The following KIAA2012 variants were observed in gnomAD, a reference collection of about 807,000 sequenced individuals.
KIAA2012 encodes uncharacterized protein KIAA2012.
A neutral mutation model predicts 150.6 loss-of-function variants in KIAA2012; 125 were observed. That is an observed-to-expected ratio of 0.83 (90% CI 0.72 to 0.96). The LOEUF (loss-of-function observed/expected upper bound fraction) is 0.96, where lower values mean the gene tolerates loss of function less well. KIAA2012 is among the 40% of genes least tolerant of loss of function. The probability of loss-of-function intolerance (pLI) is 0.00; values close to 1 mark genes in which losing one functional copy is unlikely to be tolerated. For synonymous variants in KIAA2012, 462 were observed against 504.7 expected, an observed-to-expected ratio of 0.92 and a Z score of 1.13; for missense variants, 1,219 against 1,354.9, an observed-to-expected ratio of 0.90 and a Z score of 1.57.
Position 202,125,935 on chromosome 2 carries a change from C to CT in KIAA2012, c.1831+689dup, listed in dbSNP as rs571686717. 187 of 137,784 alleles carry CT rather than the reference C, an allele frequency of 1.4e-3. 32 individuals are homozygous for CT. Among genetic ancestry groups the CT allele is most frequent in the Non-Finnish European group, 1.8e-3 (144 of 78,946 alleles). The allele number at this position is 137,784 out of a possible 1,614,324, so 8.5% of individuals were successfully genotyped here. A position where few individuals can be genotyped will look rare whatever the true frequency, so the allele number is the denominator to read the frequency against. ...GAAATGTGAGTGGTGTTCCTGGCTG[C>CT]TTTTTTTTTTTTTTTTTTTTTTTTT... On this transcript the variant is annotated intron_variant, in intron 12 of 23. Transcript: ENST00000498697.
In KIAA2012 at chr2:202,075,150, C is replaced by T. The variant is rs1439508355; in HGVS notation, c.344C>T (p.Ala115Val). The change falls in exon 2 of 24, where the codon GCC becomes GTC. Residue 115 changes from alanine to valine, a missense_variant. By Grantham distance (64) the Ala-to-Val change is moderately conservative. Transcript: ENST00000498697. ...ELHTLQDLKEAILAYGRQQGE... is the reference protein window; with the variant it reads ...ELHTLQDLKEVILAYGRQQGE... Reference sequence around the variant, plus strand: ...CACACACTTCAAGACCTCAAAGAAGCCATCCTGGCATATGGAAGGCAGCAG... The same window carrying T: ...CACACACTTCAAGACCTCAAAGAAGTCATCCTGGCATATGGAAGGCAGCAG... The T allele has an allele frequency of 1.0e-5, 16 of 1,548,050 alleles. No individual in the cohort carries two copies. The highest frequency in any genetic ancestry group is 1.4e-5 in the Non-Finnish European group (16 of 1,146,414).
In KIAA2012 at chr2:202,125,289, T is replaced by C. The variant is rs774511651; in HGVS notation, c.1831+7T>C. On this transcript the variant is annotated splice_region_variant and intron_variant, in intron 12 of 23. Coordinates refer to ENST00000498697, the MANE Select transcript of KIAA2012 (RefSeq NM_001277372.4). ...AGTCAGCATTTCCTAAAAGGTAAGC[T>C]TTTCCACTAAAAAGTCACCTCGACT... is the stretch of plus-strand genomic sequence containing the variant. 2 of 1,547,896 alleles carry C rather than the reference T, an allele frequency of 1.3e-6. No individual in the cohort carries two copies. The highest frequency in any genetic ancestry group is 1.2e-5 in the South Asian group (1 of 83,776).
rs528353461 is a variant in KIAA2012, at chr2:202,187,059, A to T, written c.2337A>T (p.Pro779=). ...LPREREGKAE[P]RLFSQETSAN... ...GAGAAAGAGAAGGGAAGGCTGAACC[A>T]AGACTGTTTAGCCAGGAGACATCAG... The change falls in exon 17 of 24, where the codon CCA becomes CCT. Residue 779 remains proline, a synonymous_variant. Coordinates refer to ENST00000498697, the MANE Select transcript of KIAA2012 (RefSeq NM_001277372.4). 80 of 1,550,630 alleles carry T rather than the reference A, an allele frequency of 5.2e-5. 1 individual carries two copies. The Middle Eastern group carries it at 1.3e-3, about 26-fold the overall frequency.
At chr2:202,158,229 C>T (rs1463404746) in intron 14 of KIAA2012, among the ~76,000 whole-genome samples, 2 of 152,068 alleles carry the variant, frequency 1.3e-5, no homozygotes, top group African/African-American at 4.8e-5. Context: ...CTCCTGACCT[C>T]GCAATCCGCC....
chr2:202,168,564 T>A (rs1248848510), intron 15 of KIAA2012, among the ~76,000 whole-genome samples: 3 of 152,104 alleles, frequency 2.0e-5, no homozygotes, highest in African/African-American at 2.4e-5. Context: ...GGTAATAACA[T>A]AATGATTTCT....
intron 16 of KIAA2012, among the ~76,000 whole-genome samples, chr2:202,185,625 CA>C (rs1054959557): frequency 2.4e-4 from 36 of 151,744 alleles, no homozygotes; most frequent in Non-Finnish European, 5.0e-4. Context: ...CCAAAAAACA[CA>C]AAAATTTTTT....
intron 15 of KIAA2012, among the ~76,000 whole-genome samples, chr2:202,170,931 A>C (rs563108865): frequency 6.6e-6 from 1 of 152,318 alleles, no homozygotes; most frequent in Non-Finnish European, 1.5e-5. Context: ...CAGATGAGAC[A>C]ATTGAGGCAC....
rs545947347 is a variant in KIAA2012 at position 202,083,419 on chromosome 2, C to T, written c.370-7351C>T. On this transcript the variant is annotated intron_variant, in intron 2 of 23. Transcript: ENST00000498697. Reference sequence around the variant, plus strand: ...CTCCAGTTGCACTCACCTGGCAGCCCCAAGGCTGGCTCCAGTCACACATGC... The same window carrying T: ...CTCCAGTTGCACTCACCTGGCAGCCTCAAGGCTGGCTCCAGTCACACATGC... Among the ~76,000 whole-genome samples, 3 of 151,712 alleles carry T rather than the reference C, an allele frequency of 2.0e-5. No individual in the cohort carries two copies. In the East Asian group the frequency reaches 5.8e-4, roughly 29 times the overall value.
intron 12 of KIAA2012, among the ~76,000 whole-genome samples, chr2:202,134,078 C>G (rs899934605): frequency 3.3e-5 from 5 of 152,106 alleles, no homozygotes; most frequent in African/African-American, 1.2e-4. Flanking sequence ...GACTTTCAGG[C>G]CTTCTCCCAT....
intron 12 of KIAA2012, among the ~76,000 whole-genome samples, chr2:202,133,101 T>TAA (rs376450801): frequency 0.046 from 3,442 of 74,032 alleles, 290 homozygotes; most frequent in East Asian, 0.1. Context: ...TGAGACTGTC[T>TAA]AAAAAAAAAT....
At chr2:202,128,051 C>A (rs753998273) in intron 12 of KIAA2012, among the ~76,000 whole-genome samples, 1 of 151,000 alleles carries the variant, frequency 6.6e-6, no homozygotes, top group Non-Finnish European at 1.5e-5. Flanking sequence ...TCCTGCTAAT[C>A]CTTCACTTCC....
At chr2:202,124,421 T>C (rs1690729473) in intron 11 of KIAA2012, among the ~76,000 whole-genome samples, 1 of 152,042 alleles carries the variant, frequency 6.6e-6, no homozygotes. Flanking sequence ...TGAAAAAGCC[T>C]GTCTGTCTTT....
At chr2:202,173,641 AAACT>A (rs1433316175) in intron 15 of KIAA2012, among the ~76,000 whole-genome samples, 2 of 152,184 alleles carry the variant, frequency 1.3e-5, no homozygotes, top group Non-Finnish European at 2.9e-5. Context: ...ACTCCTAAAT[AAACT>A]ATTAACCAAT....
chr2:202,088,567 G>A (rs1344679097), intron 2 of KIAA2012, among the ~76,000 whole-genome samples: 1 of 152,158 alleles, frequency 6.6e-6, no homozygotes, highest in African/African-American at 2.4e-5. Context: ...AGATTAGAAA[G>A]TGCTTTCACA....
intron 23 of KIAA2012, among the ~76,000 whole-genome samples, chr2:202,203,940 T>C (rs1692584054): frequency 6.6e-6 from 1 of 152,132 alleles, no homozygotes; most frequent in Non-Finnish European, 1.5e-5. Context: ...TGGCTAATTT[T>C]TTATATTTTT....
intron 15 of KIAA2012, among the ~76,000 whole-genome samples, chr2:202,184,065 T>C (rs141464666): frequency 2.4e-4 from 37 of 152,320 alleles, no homozygotes; most frequent in African/African-American, 8.7e-4. Flanking sequence ...GTCTCCCTTG[T>C]TGAGCTGTTT....
chr2:202,143,057 T>C (rs1238125384), intron 13 of KIAA2012, among the ~76,000 whole-genome samples: 1 of 147,396 alleles, frequency 6.8e-6, no homozygotes. Context: ...TCACCTCCAA[T>C]TGACAACCAC....
At position 202,196,485 on chromosome 2, in the gene KIAA2012, A is replaced by G. The variant is rs144449313; in HGVS notation, c.3188-315A>G. On this transcript the variant is annotated intron_variant, in intron 21 of 23. Transcript: ENST00000498697. ...GCTGGGATTACAGGCGTGAGCCACCACGCCCGGCCAGGAAGCACCAAGTTT... is the reference window on the plus strand; with the variant it reads ...GCTGGGATTACAGGCGTGAGCCACCGCGCCCGGCCAGGAAGCACCAAGTTT... 6.7e-3 allele frequency among the ~76,000 whole-genome samples: 1,019 copies of G among 151,812 alleles called. 7 individuals carry two copies. Among genetic ancestry groups the G allele is most frequent in the Admixed American group, 0.013 (205 of 15,248 alleles).
chr2:202,120,823 A>G (rs1690637530), intron 11 of KIAA2012, among the ~76,000 whole-genome samples: 1 of 152,224 alleles, frequency 6.6e-6, no homozygotes, highest in African/African-American at 2.4e-5. Context: ...TATTTCTCAT[A>G]ATATTTACTG....
Sources: gnomAD v4.1 joint callset for allele counts (sites outside exome capture counted in the v4.1 genomes callset) on GRCh38, gnomAD v4.1.1 for gene constraint, MANE v1.5 for transcripts, NCBI Gene and HGNC (gene_info 2026-07-23, HGNC 2026-07-21) for gene names.